Variants in CRY1 observed in about 807,000 individuals in gnomAD.
The protein encoded by CRY1 is cryptochrome circadian regulator 1, also known as cryptochrome-1.
A neutral mutation model predicts 76.0 loss-of-function variants in CRY1; 45 were observed. The ratio of observed to expected loss-of-function variants is 0.59; its 90% CI spans 0.47 to 0.76. CRY1 has a LOEUF of 0.76. CRY1 is among the 30% of genes least tolerant of loss of function. The probability of loss-of-function intolerance (pLI) is 0.00; values close to 1 mark genes in which losing one functional copy is unlikely to be tolerated. For missense variants in CRY1, 587 were observed against 716.4 expected, an observed-to-expected ratio of 0.82 and a Z score of 2.06; for synonymous variants, 248 against 244.0, an observed-to-expected ratio of 1.02 and a Z score of -0.15.
chr12:107,008,243 G>A (rs1952397717), intron 2 of CRY1, among the ~76,000 whole-genome samples: 1 of 152,166 alleles, frequency 6.6e-6, no homozygotes, highest in East Asian at 1.9e-4. Context: ...TTCCTTCCCT[G>A]GGGATAAATT....
At position 107,038,907 on chromosome 12, in the gene CRY1, G is replaced by C. The variant is rs151198615; in HGVS notation, c.159-16715C>G. The stretch of plus-strand genomic sequence containing the variant: ...CAGCTCCTAGGTTTTCCCTGAGGAA[G>C]ATACATCCAATGTTCCATCCCTCCC... On this transcript the variant is annotated intron_variant, in intron 1 of 12. Coordinates refer to ENST00000008527, the MANE Select transcript of CRY1 (RefSeq NM_004075.5). Among the ~76,000 whole-genome samples, 227 of 152,312 alleles carry C rather than the reference G, an allele frequency of 1.5e-3. 3 individuals are homozygous for C. Among genetic ancestry groups the C allele is most frequent in the Non-Finnish European group, 7.5e-4 (51 of 68,014 alleles).
intron 1 of CRY1, among the ~76,000 whole-genome samples, chr12:107,029,015 A>G (rs1003387853): frequency 1.1e-4 from 17 of 152,230 alleles, no homozygotes; most frequent in African/African-American, 3.6e-4. Flanking sequence ...TTTCACTTAC[A>G]TTAAACATCT....
rs890138410 is a variant in CRY1, at chr12:107,016,224, C to T, written c.267+5860G>A. Among the ~76,000 whole-genome samples, 8 of 152,132 alleles carry T rather than the reference C, an allele frequency of 5.3e-5. 1 individual carries two copies. Among genetic ancestry groups the T allele is most frequent in the Admixed American group, 4.6e-4 (7 of 15,282 alleles). On this transcript the variant is annotated intron_variant, in intron 2 of 12. Coordinates refer to ENST00000008527, the MANE Select transcript of CRY1 (RefSeq NM_004075.5). The stretch of plus-strand genomic sequence containing the variant: ...ACTCAGTAGGCTGAGGCACGAGAAT[C>T]ACTTGAACCCAGGAGGTGGAGGCTG...
At chr12:107,022,234 TA>T (rs776340604) in intron 1 of CRY1, 42 bp from the exon 2 acceptor site, 2 of 1,182,398 alleles carry the variant, frequency 1.7e-6, no homozygotes, top group Admixed American at 4.7e-5. Flanking sequence ...AAAAAATACA[TA>T]TTTAGAAGAC....
chr12:107,026,224 T>C (rs1307895579), intron 1 of CRY1, among the ~76,000 whole-genome samples: 1 of 141,758 alleles, frequency 7.1e-6, no homozygotes, highest in Admixed American at 7.1e-5. Flanking sequence ...TCAAATTAAG[T>C]CAGTTCTCCC....
At chr12:107,069,863 A>G (rs568857099) in intron 1 of CRY1, among the ~76,000 whole-genome samples, 1 of 151,238 alleles carries the variant, frequency 6.6e-6, no homozygotes, top group Admixed American at 6.6e-5. Context: ...AGAAAGAAAA[A>G]CCTCCAAAAC....
chr12:107,070,280 T>C lies in CRY1; in HGVS notation c.158+22524A>G, dbSNP rs550040814. Among the ~76,000 whole-genome samples, 11 of 152,324 alleles carry C rather than the reference T, an allele frequency of 7.2e-5. No individual in the cohort carries two copies. In the South Asian group the frequency reaches 2.3e-3, roughly 32 times the overall value. On this transcript the variant is annotated intron_variant, in intron 1 of 12. Coordinates refer to ENST00000008527, the MANE Select transcript of CRY1 (RefSeq NM_004075.5). ...ATGGTAAAGGTCTCACAGAGCATTA[T>C]ACAGCTGTTAGAAGCAATGGATTAG...
intron 1 of CRY1, among the ~76,000 whole-genome samples, chr12:107,067,207 A>AT (rs1482269908): frequency 2.6e-5 from 4 of 152,212 alleles, no homozygotes; most frequent in African/African-American, 9.6e-5. Context: ...AAAGGGCTGC[A>AT]TAAAAAAAAG....
chr12:107,027,741 T>G (rs553665179), intron 1 of CRY1, among the ~76,000 whole-genome samples: 2 of 152,280 alleles, frequency 1.3e-5, no homozygotes, highest in East Asian at 3.9e-4. Flanking sequence ...TTTCCTAAAG[T>G]AGGTCATTGC....
At chr12:107,033,425 C>T (rs1952700126) in intron 1 of CRY1, among the ~76,000 whole-genome samples, 1 of 152,078 alleles carries the variant, frequency 6.6e-6, no homozygotes, top group African/African-American at 2.4e-5. Flanking sequence ...TTAGATTTAC[C>T]TTGACACCAA....
At chr12:107,000,120 C>G in intron 5 of CRY1, 38 bp from the exon 6 acceptor site, 1 of 1,525,472 alleles carries the variant, frequency 6.6e-7, no homozygotes, top group Non-Finnish European at 8.8e-7. Flanking sequence ...AACTAATTGT[C>G]TTTTTCATTT....
intron 1 of CRY1, among the ~76,000 whole-genome samples, chr12:107,030,123 C>T (rs1023641829): frequency 6.6e-6 from 1 of 152,150 alleles, no homozygotes; most frequent in African/African-American, 2.4e-5. Flanking sequence ...CAATAAATAT[C>T]TATCTAATGA....
At chr12:107,070,666 T>TTTTTTTTATTTATTTA (rs1263215924) in intron 1 of CRY1, among the ~76,000 whole-genome samples, 1 of 139,656 alleles carries the variant, frequency 7.2e-6, no homozygotes, top group Non-Finnish European at 1.5e-5. Flanking sequence ...ATTCTCTTAT[T>TTTTTTTTATTTATTTA]TTTATTTATT....
chr12:107,081,205 G>A (rs1016497625), intron 1 of CRY1, among the ~76,000 whole-genome samples: 5 of 152,154 alleles, frequency 3.3e-5, no homozygotes, highest in African/African-American at 1.2e-4. Context: ...AATGTGTAAT[G>A]AACATGTTGA....
At chr12:107,078,288 T>C (rs1196689674) in intron 1 of CRY1, among the ~76,000 whole-genome samples, 1 of 152,056 alleles carries the variant, frequency 6.6e-6, no homozygotes, top group Non-Finnish European at 1.5e-5. Flanking sequence ...CTAAACAACA[T>C]CTAGCATTCT....
At chr12:107,074,917 A>G (rs1181301855) in intron 1 of CRY1, among the ~76,000 whole-genome samples, 1 of 152,192 alleles carries the variant, frequency 6.6e-6, no homozygotes, top group East Asian at 1.9e-4. Context: ...TGGAAGGCTG[A>G]GGCAGGAGAA....
intron 1 of CRY1, among the ~76,000 whole-genome samples, chr12:107,085,581 C>T (rs988109333): frequency 3.1e-4 from 47 of 152,110 alleles, no homozygotes. Context: ...CCAAACATCG[C>T]ATGTTCTCCA....
At chr12:107,086,407 G>C (rs1181534358) in intron 1 of CRY1, among the ~76,000 whole-genome samples, 1 of 132,548 alleles carries the variant, frequency 7.5e-6, no homozygotes, top group Non-Finnish European at 1.8e-5. Context: ...GAATAAAAGA[G>C]AGCCAGTTGT....
chr12:107,003,487 T>C (rs754170464), intron 3 of CRY1, among the ~76,000 whole-genome samples: 3 of 152,208 alleles, frequency 2.0e-5, no homozygotes, highest in Non-Finnish European at 4.4e-5. Context: ...GTTTTCTTAG[T>C]GTATTTTAGT....
Sources: allele counts gnomAD v4.1 joint callset (sites outside exome capture counted in the v4.1 genomes callset), GRCh38; gene constraint gnomAD v4.1.1; transcripts MANE v1.5; gene names NCBI Gene and HGNC (gene_info 2026-07-23, HGNC 2026-07-21).